The following UNC13C variants were observed in gnomAD, a reference collection of about 807,000 sequenced individuals.
UNC13C encodes the protein protein unc-13 homolog C.
Under a neutral mutation model 245.4 loss-of-function variants are expected in UNC13C, and 174 were observed. The observed-to-expected ratio is 0.71, with a 90% CI of 0.63 to 0.80. The LOEUF is 0.80. Ranked by LOEUF, UNC13C falls within the 30% of genes least tolerant of loss-of-function variation. UNC13C has a pLI of 0.00. For synonymous variants in UNC13C, 992 were observed against 895.1 expected (o/e 1.11, Z -1.93); for missense variants, 2,829 against 2,602.9 (o/e 1.09, Z -1.89).
chr15:53,861,152 A>C, the UNC13C span, among the ~76,000 whole-genome samples: 1 of 152,188 alleles, frequency 6.6e-6, no homozygotes, highest in African/African-American at 2.4e-5. Context: ...TTGGTTTAGC[A>C]TTTAAAATAA....
chr15:53,951,623 A>C, the UNC13C span, among the ~76,000 whole-genome samples: 28 of 152,346 alleles, frequency 1.8e-4, no homozygotes, highest in East Asian at 5.0e-3. Flanking sequence ...AGGCTAAGCA[A>C]CTTGCTTAAT....
intron 18 of UNC13C, among the ~76,000 whole-genome samples, chr15:54,408,183 G>C (rs571694696): frequency 3.8e-5 from 4 of 104,194 alleles, no homozygotes; most frequent in African/African-American, 1.4e-4. Flanking sequence ...CTGGGTGACA[G>C]AGTGAGACTC....
intron 13 of UNC13C, among the ~76,000 whole-genome samples, chr15:54,310,376 C>A (rs748480809): frequency 4.1e-4 from 62 of 151,996 alleles, no homozygotes; most frequent in Non-Finnish European, 7.7e-4. Flanking sequence ...AGCCCATTAG[C>A]TGAAAGCTCT....
At chr15:54,560,161 C>T (rs188928117) in intron 29 of UNC13C, among the ~76,000 whole-genome samples, 17 of 151,670 alleles carry the variant, frequency 1.1e-4, no homozygotes, top group African/African-American at 4.1e-4. Flanking sequence ...CTGGATTTGC[C>T]GAAAATATGA....
intron 2 of UNC13C, among the ~76,000 whole-genome samples, chr15:54,028,684 C>CTTTTTTTTTTTTTTTTTTTTTTT (rs58264883): frequency 1.1e-5 from 1 of 87,082 alleles, no homozygotes; most frequent in Non-Finnish European, 2.0e-5. Context: ...GCCTACAAGT[C>CTTTTTTTTTTTTTTTTTTTTTTT]TTTTTTTTTT....
chr15:54,199,339 A>G (rs558484732), intron 4 of UNC13C, among the ~76,000 whole-genome samples: 10 of 152,134 alleles, frequency 6.6e-5, no homozygotes, highest in Non-Finnish European at 1.0e-4. Context: ...AGAAGCTTCA[A>G]TAAACCTGGG....
chr15:54,466,999 G>T (rs556697650), intron 19 of UNC13C, among the ~76,000 whole-genome samples: 119 of 151,920 alleles, frequency 7.8e-4, no homozygotes, highest in African/African-American at 2.8e-3. Context: ...TTCTAGAGAA[G>T]TAGTTCCAAA....
intron 17 of UNC13C, among the ~76,000 whole-genome samples, chr15:54,389,202 G>A (rs1355309266): frequency 6.6e-6 from 1 of 152,202 alleles, no homozygotes; most frequent in African/African-American, 2.4e-5. Context: ...TGAGATGGGG[G>A]AACAGGAAGG....
At chr15:54,379,187 A>G (rs2039669214) in intron 17 of UNC13C, among the ~76,000 whole-genome samples, 1 of 152,078 alleles carries the variant, frequency 6.6e-6, no homozygotes, top group African/African-American at 2.4e-5. Context: ...TCCCTTAGTA[A>G]CTATTAATTT....
At chr15:54,284,783 T>C (rs1174122965) in intron 10 of UNC13C, among the ~76,000 whole-genome samples, 1 of 152,088 alleles carries the variant, frequency 6.6e-6, no homozygotes, top group African/African-American at 2.4e-5. Context: ...TTAATAATTA[T>C]ATTTTACATT....
At chr15:53,997,711 C>G (rs903844699) in intron 1 of UNC13C, among the ~76,000 whole-genome samples, 1 of 151,956 alleles carries the variant, frequency 6.6e-6, no homozygotes, top group African/African-American at 2.4e-5. Context: ...TATTTCTTTT[C>G]TCTAGTTATA....
intron 2 of UNC13C, among the ~76,000 whole-genome samples, chr15:54,081,460 T>C (rs1215532248): frequency 6.6e-6 from 1 of 152,138 alleles, no homozygotes; most frequent in Non-Finnish European, 1.5e-5. Context: ...TTTGTGAATC[T>C]TGGTACTCTG....
At chr15:54,356,477 C>T (rs758536060) in intron 17 of UNC13C, among the ~76,000 whole-genome samples, 6 of 152,026 alleles carry the variant, frequency 3.9e-5, no homozygotes, top group East Asian at 3.8e-4. Context: ...AGAGATTTAT[C>T]GCTCACAGTT....
Position 54,013,085 on chromosome 15 carries a change from G to T in UNC13C, c.182G>T (p.Ser61Ile), listed in dbSNP as rs369648674. ...KSPKFSYTFK[S>I]TVKKIAKCSS... ...CCCAAATTTTCTTACACTTTTAAAA[G>T]CACTGTAAAGAAGATTGCAAAGTGT... is the stretch of plus-strand genomic sequence containing the variant. Residue 61 changes from serine (S) to isoleucine (I), a missense_variant, in exon 2 of 33, where the codon AGC becomes ATC. By Grantham distance (142) the Ser-to-Ile change is moderately radical. Transcript: ENST00000260323. 4.3e-5 allele frequency: 70 copies of T among 1,613,748 alleles called. No individual in the cohort carries two copies. Among genetic ancestry groups the T allele is most frequent in the Non-Finnish European group, 5.6e-5 (66 of 1,179,850 alleles).
Position 54,387,165 on chromosome 15 carries a change from A to T in UNC13C, c.4714-5883A>T, listed in dbSNP as rs1326096258. Among the ~76,000 whole-genome samples, 6 of 152,288 alleles carry T rather than the reference A, an allele frequency of 3.9e-5. No homozygotes were observed. The South Asian group carries it at 1.0e-3, about 26-fold the overall frequency. Reference sequence around the variant, plus strand: ...CAACGGAGTAAAGTGAAAGCAAAGCAAGTTTATTAGAGCAACAGAGTACAG... The same window carrying T: ...CAACGGAGTAAAGTGAAAGCAAAGCTAGTTTATTAGAGCAACAGAGTACAG... On this transcript the variant is annotated intron_variant, in intron 17 of 32. Coordinates refer to ENST00000260323, the MANE Select transcript of UNC13C (RefSeq NM_001080534.3).
At chr15:54,321,253 T>A in intron 13 of UNC13C, 1 of 482,192 alleles carries the variant, frequency 2.1e-6, no homozygotes, top group Non-Finnish European at 4.1e-6. Context: ...ACCCCTTTTC[T>A]TGCCACTGCC....
chr15:53,879,953 T>TTGTGTGTGTG, the UNC13C span, among the ~76,000 whole-genome samples: 2 of 147,598 alleles, frequency 1.4e-5, no homozygotes, highest in Non-Finnish European at 3.0e-5. Flanking sequence ...GTGTGTGTGT[T>TTGTGTGTGTG]TGTGTGTGTG....
At chr15:53,885,585 C>T in the UNC13C span, among the ~76,000 whole-genome samples, 3 of 152,112 alleles carry the variant, frequency 2.0e-5, no homozygotes, top group African/African-American at 4.8e-5. Flanking sequence ...TTCCCTGGGT[C>T]TTTGGATCTT....
intron 30 of UNC13C, among the ~76,000 whole-genome samples, chr15:54,607,234 T>A (rs1388847071): frequency 6.6e-6 from 1 of 152,196 alleles, no homozygotes; most frequent in Admixed American, 6.5e-5. Context: ...ATTTTAAGAA[T>A]GCGAGAGAAT....
Sources: allele counts gnomAD v4.1 joint callset (sites outside exome capture counted in the v4.1 genomes callset), GRCh38; gene constraint gnomAD v4.1.1; transcripts MANE v1.5; gene names NCBI Gene and HGNC (gene_info 2026-07-23, HGNC 2026-07-21).